URB1: variants seen among roughly 807,000 people sequenced by gnomAD.
The protein encoded by URB1 is URB1 ribosome biogenesis factor.
Under a neutral mutation model 242.3 loss-of-function variants are expected in URB1, and 197 were observed. That is an observed-to-expected ratio of 0.81 (90% CI 0.72 to 0.91). The LOEUF is 0.91. URB1 is among the 40% of genes least tolerant of loss of function. URB1 has a pLI of 0.00. For synonymous variants in URB1, 1,153 were observed against 1,201.8 expected (o/e 0.96, Z 0.84); for missense variants, 2,721 against 2,860.5 (o/e 0.95, Z 1.11).
chr21:32,317,138 T>G, intron 37 of URB1, 73 bp from the exon 38 acceptor site: 1 of 1,444,284 alleles, frequency 6.9e-7, no homozygotes, highest in Non-Finnish European at 9.1e-7. Flanking sequence ...TGTGGGGAGG[T>G]GTCAATGGGG....
At chr21:32,349,557 C>A (rs1446055255) in intron 20 of URB1, 74 bp from the exon 21 acceptor site, 15 of 1,436,382 alleles carry the variant, frequency 1.0e-5, no homozygotes, top group Non-Finnish European at 1.4e-5. Context: ...CTTCCAGGGC[C>A]CGTGTTTTCA....
At position 32,334,250 on chromosome 21, in the gene URB1, G is replaced by A. The variant is rs978414847; in HGVS notation, c.4770C>T (p.Val1590=). The A allele has an allele frequency of 1.8e-5, 28 of 1,551,434 alleles. No individual in the cohort carries two copies. The highest frequency in any genetic ancestry group is 2.4e-5 in the East Asian group (1 of 40,926). ...LGRSLWQQPS[V]GDILRLLDRD... ...GGTCCAGCAGGCGAAGGATGTCCCC[G>A]ACACTCGGCTGCTGCCACAGTGACC... The change falls in exon 29 of 39, where the codon GTC becomes GTT. Residue 1590 remains valine (V), a synonymous_variant. Coordinates refer to ENST00000382751, the MANE Select transcript of URB1 (RefSeq NM_014825.3).
In URB1 at chr21:32,375,186, C is replaced by T. The variant is rs145832268; in HGVS notation, c.750+212G>A. 2.4e-3 allele frequency among the ~76,000 whole-genome samples: 372 copies of T among 152,372 alleles called. 1 individual carries two copies. Among genetic ancestry groups the T allele is most frequent in the African/African-American group, 8.7e-3 (360 of 41,586 alleles). On this transcript the variant is annotated intron_variant, in intron 6 of 38. Coordinates refer to ENST00000382751, the MANE Select transcript of URB1 (RefSeq NM_014825.3). ...AAACAGCAGCCATGTCTGGACATCA[C>T]TGGCTGCTTCAGCTATTCTTTAACC...
At chr21:32,382,063 T>C (rs184337087) in intron 4 of URB1, among the ~76,000 whole-genome samples, 15 of 152,322 alleles carry the variant, frequency 9.8e-5, no homozygotes, top group Non-Finnish European at 1.5e-5. Flanking sequence ...CCTGAGACCC[T>C]GAGATGAAAC....
At chr21:32,372,879 T>C (rs569312308) in intron 7 of URB1, among the ~76,000 whole-genome samples, 1 of 152,356 alleles carries the variant, frequency 6.6e-6, no homozygotes, top group African/African-American at 2.4e-5. Context: ...CTAATTTCTC[T>C]TGTTCATTTG....
At chr21:32,318,410 T>C (rs539879961) in intron 36 of URB1, among the ~76,000 whole-genome samples, 6 of 152,332 alleles carry the variant, frequency 3.9e-5, no homozygotes, top group South Asian at 4.1e-4. Context: ...TTCCACACAA[T>C]TGTAAACATA....
intron 5 of URB1, among the ~76,000 whole-genome samples, chr21:32,376,818 T>C (rs2033464359): frequency 6.6e-6 from 1 of 151,384 alleles, no homozygotes; most frequent in South Asian, 2.1e-4. Flanking sequence ...TTGTTTTGTT[T>C]GTTTGTTTGT....
intron 22 of URB1, among the ~76,000 whole-genome samples, chr21:32,346,676 C>T (rs1051389149): frequency 6.6e-6 from 1 of 152,152 alleles, no homozygotes; most frequent in Non-Finnish European, 1.5e-5. Flanking sequence ...AAATAACCCC[C>T]GCTACTGTAC....
At chr21:32,331,665 A>G (rs1282815212) in intron 30 of URB1, among the ~76,000 whole-genome samples, 1 of 152,248 alleles carries the variant, frequency 6.6e-6, no homozygotes, top group East Asian at 1.9e-4. Flanking sequence ...CTCTAACAAA[A>G]AAGAATGGAA....
chr21:32,319,259 T>C lies in URB1; in HGVS notation c.5750A>G (p.Asn1917Ser), dbSNP rs374514405. 301 of 1,551,228 alleles carry C rather than the reference T, an allele frequency of 1.9e-4. No individual in the cohort carries two copies. Among genetic ancestry groups the C allele is most frequent in the African/African-American group, 3.0e-4 (22 of 73,166 alleles). The change falls in exon 36 of 39, where the codon AAT becomes AGT. Residue 1917 changes from asparagine to serine, a missense_variant. Asn to Ser is a conservative substitution (Grantham distance 46). Transcript: ENST00000382751. ...PAKRLALHLVNEFLYVLIVLM... is the reference protein window; with the variant it reads ...PAKRLALHLVSEFLYVLIVLM... ...CACGATGAGAACATAAAGGAACTCATTGACCAGGTGCAGGGCAAGCCGCTT... is the reference window on the plus strand; with the variant it reads ...CACGATGAGAACATAAAGGAACTCACTGACCAGGTGCAGGGCAAGCCGCTT...
chr21:32,357,476 AC>A, intron 15 of URB1, 60 bp downstream of exon 15: 1 of 1,383,484 alleles, frequency 7.2e-7, no homozygotes, highest in East Asian at 2.8e-5. Context: ...CTAAACACTT[AC>A]CATAAGGAAG....
At chr21:32,383,033 T>C (rs542509316) in intron 4 of URB1, among the ~76,000 whole-genome samples, 1 of 152,282 alleles carries the variant, frequency 6.6e-6, no homozygotes, top group South Asian at 2.1e-4. Flanking sequence ...AAGGGCTTTC[T>C]CCGAGGTGGG....
At position 32,375,378 on chromosome 21, in the gene URB1, G is replaced by A. The variant is rs565284130; in HGVS notation, c.750+20C>T. 98 of 1,440,586 alleles carry A rather than the reference G, an allele frequency of 6.8e-5. 1 individual carries two copies. The South Asian group carries it at 7.7e-4, about 11-fold the overall frequency. The allele number at this position is 1,440,586 out of a possible 1,614,324, so 89.2% of individuals were successfully genotyped here. On this transcript the variant is annotated intron_variant, in intron 6 of 38. Coordinates refer to ENST00000382751, the MANE Select transcript of URB1 (RefSeq NM_014825.3). ...CCAAGGGAAAACAGACAACAGAAACGCGGATCACCAAGCACATACCTTTGT... is the reference window on the plus strand; with the variant it reads ...CCAAGGGAAAACAGACAACAGAAACACGGATCACCAAGCACATACCTTTGT...
At chr21:32,371,974 AC>A (rs1185493204) in intron 8 of URB1, among the ~76,000 whole-genome samples, 1 of 152,196 alleles carries the variant, frequency 6.6e-6, no homozygotes, top group East Asian at 1.9e-4. Flanking sequence ...AAAAAAAAAA[AC>A]AATTTTGAAA....
intron 25 of URB1, 52 bp from the exon 26 acceptor site, chr21:32,338,952 T>C: frequency 7.0e-7 from 1 of 1,433,202 alleles, no homozygotes; most frequent in Admixed American, 2.7e-5. Context: ...GAAAATTTAT[T>C]TTACAGGAAA....
At position 32,311,809 on chromosome 21, in the gene URB1, T is replaced by C. The variant is rs764361483; in HGVS notation, c.*3109A>G. ...ACCTCACAGGCTCAGGCGAGCTCAG[T>C]GGAGCCAGGGAGCAGAACTGGCCCT... On this transcript the variant is annotated 3_prime_UTR_variant, in exon 39 of 39. Coordinates refer to ENST00000382751, the MANE Select transcript of URB1 (RefSeq NM_014825.3). 3 of 1,614,028 alleles carry C rather than the reference T, an allele frequency of 1.9e-6. No individual in the cohort carries two copies. The highest frequency in any genetic ancestry group is 1.1e-5 in the South Asian group (1 of 91,078).
chr21:32,359,960 C>A, intron 13 of URB1, 52 bp from the exon 14 acceptor site: 1 of 1,493,792 alleles, frequency 6.7e-7, no homozygotes, highest in Non-Finnish European at 9.1e-7. Context: ...CGTGGGTGCC[C>A]AACAATTGCT....
At chr21:32,382,881 C>G (rs1189412646) in intron 4 of URB1, among the ~76,000 whole-genome samples, 1 of 152,190 alleles carries the variant, frequency 6.6e-6, no homozygotes, top group Non-Finnish European at 1.5e-5. Flanking sequence ...CACAGGTTTC[C>G]TGAAAACCAA....
intron 4 of URB1, among the ~76,000 whole-genome samples, chr21:32,381,674 T>A (rs2033528619): frequency 6.6e-6 from 1 of 152,240 alleles, no homozygotes; most frequent in South Asian, 2.1e-4. Context: ...GAGAAATTAT[T>A]AATGTGTTAG....
Sources: allele counts gnomAD v4.1 joint callset (sites outside exome capture counted in the v4.1 genomes callset), GRCh38; gene constraint gnomAD v4.1.1; transcripts MANE v1.5; gene names NCBI Gene and HGNC (gene_info 2026-07-23, HGNC 2026-07-21).